LEF1: variants seen among roughly 807,000 people sequenced by gnomAD.
LEF1 encodes the protein lymphoid enhancer binding factor 1.
LEF1 carries 14 observed loss-of-function variants against 51.2 expected under a neutral mutation model. That is an observed-to-expected ratio of 0.27 (90% CI 0.18 to 0.43). The LOEUF is 0.43. LEF1 is among the 20% of genes least tolerant of loss of function. The pLI, the probability that LEF1 is intolerant of heterozygous loss-of-function variation, is 1.00. For synonymous variants in LEF1, 185 were observed against 183.2 expected (o/e 1.01, Z -0.08); for missense variants, 386 against 512.0 (o/e 0.75, Z 2.37).
intron 3 of LEF1, among the ~76,000 whole-genome samples, chr4:108,111,566 A>G (rs1438567896): frequency 6.6e-6 from 1 of 152,170 alleles, no homozygotes; most frequent in Non-Finnish European, 1.5e-5. Context: ...TACCTTATTT[A>G]ATCAGAGGAG....
chr4:108,124,332 C>T (rs1170903912), intron 3 of LEF1, among the ~76,000 whole-genome samples: 1 of 151,834 alleles, frequency 6.6e-6, no homozygotes, highest in Non-Finnish European at 1.5e-5. Flanking sequence ...ACACCCCCAG[C>T]AAAGTGTGGG....
intron 11 of LEF1, among the ~76,000 whole-genome samples, chr4:108,053,993 A>G (rs1737167914): frequency 6.6e-6 from 1 of 152,220 alleles, no homozygotes; most frequent in African/African-American, 2.4e-5. Context: ...ATCAGGGCAC[A>G]CTTTGGTCTT....
At chr4:108,154,346 CG>C in intron 3 of LEF1, among the ~76,000 whole-genome samples, 1 of 147,310 alleles carries the variant, frequency 6.8e-6, no homozygotes, top group East Asian at 2.0e-4. Flanking sequence ...TCTTTAACAC[CG>C]GGAGTATAAC....
intron 9 of LEF1, among the ~76,000 whole-genome samples, chr4:108,065,310 C>A (rs965686075): frequency 9.9e-5 from 15 of 152,214 alleles, no homozygotes; most frequent in African/African-American, 3.6e-4. Context: ...CATGGTGAAA[C>A]CCTGTCTCTA....
intron 3 of LEF1, among the ~76,000 whole-genome samples, chr4:108,128,657 T>C (rs1742689278): frequency 6.6e-6 from 1 of 152,004 alleles, no homozygotes; most frequent in Non-Finnish European, 1.5e-5. Context: ...AGCAAACAAA[T>C]ACATAAAGAT....
chr4:108,096,327 G>A (rs1560786550), intron 3 of LEF1, among the ~76,000 whole-genome samples: 1 of 152,210 alleles, frequency 6.6e-6, no homozygotes. Context: ...AGCTGTAGTG[G>A]TGCAAGGATT....
intron 5 of LEF1, chr4:108,083,155 T>G (rs1270542305): frequency 1.7e-6 from 1 of 578,250 alleles, no homozygotes; most frequent in Non-Finnish European, 3.1e-6. Context: ...CTACCCATAT[T>G]AGCAAACGGA....
chr4:108,127,442 T>C (rs1364925454), intron 3 of LEF1, among the ~76,000 whole-genome samples: 1 of 152,206 alleles, frequency 6.6e-6, no homozygotes, highest in Non-Finnish European at 1.5e-5. Flanking sequence ...AGGGATAGGC[T>C]AAAGAGAGAA....
intron 3 of LEF1, among the ~76,000 whole-genome samples, chr4:108,096,367 A>T (rs1740393901): frequency 6.6e-6 from 1 of 152,200 alleles, no homozygotes; most frequent in African/African-American, 2.4e-5. Flanking sequence ...TTGCAGTGGA[A>T]GGACGTGGGG....
chr4:108,130,564 CA>C (rs113815125), intron 3 of LEF1, among the ~76,000 whole-genome samples: 13,439 of 98,698 alleles, frequency 0.14, 704 homozygotes, highest in African/African-American at 0.22. Context: ...ACTAAAAATA[CA>C]AAAAAAAAAA....
In LEF1 at chr4:108,167,651, G is replaced by C. The variant is rs745326841; in HGVS notation, c.117C>G (p.Ala39=). The C allele has an allele frequency of 8.1e-6, 13 of 1,614,084 alleles. No homozygotes were observed. Among genetic ancestry groups the C allele is most frequent in the Non-Finnish European group, 1.0e-5 (12 of 1,180,042 alleles). The change falls in exon 1 of 12, where the codon GCC becomes GCG. Residue 39 remains alanine (A), a synonymous_variant. Transcript: ENST00000265165. The surrounding 1 kb of genome is among the most constrained non-coding windows in gnomAD (Gnocchi z 5.7). Reference sequence around the variant, plus strand: ...CTTCCTCTTCGGGATGACTGATCTCGGCGAAGATCTTTTCCTTCTGAGGAT... The same window carrying C: ...CTTCCTCTTCGGGATGACTGATCTCCGCGAAGATCTTTTCCTTCTGAGGAT... The part of the protein sequence containing the change: ...EGDPQKEKIF[A]EISHPEEEGD...
chr4:108,074,003 T>C (rs1458204184), intron 8 of LEF1, among the ~76,000 whole-genome samples: 3 of 152,142 alleles, frequency 2.0e-5, no homozygotes, highest in Non-Finnish European at 4.4e-5. Context: ...TTTTTTGTAT[T>C]TTTAGTAGAT....
chr4:108,051,089 G>A (rs898634456), intron 11 of LEF1, among the ~76,000 whole-genome samples: 2 of 152,176 alleles, frequency 1.3e-5, no homozygotes, highest in East Asian at 3.9e-4. Flanking sequence ...TGCCAAGAAA[G>A]AGTCTATATC....
chr4:108,167,635 C>G lies in LEF1; in HGVS notation c.133G>C (p.Glu45Gln), dbSNP rs267607214. The G allele has an allele frequency of 1.4e-5, 23 of 1,614,108 alleles. No homozygotes were observed. The highest frequency in any genetic ancestry group is 8.5e-7 in the Non-Finnish European group (1 of 1,180,042). ...ATGTCAGCTAAATCGCCTTCCTCTT[C>G]GGGATGACTGATCTCGGCGAAGATC... ...EKIFAEISHP[E>Q]EEGDLADIKS... The change falls in exon 1 of 12, where the codon GAA (glutamate) becomes CAA (glutamine). Residue 45 changes from glutamate to glutamine, a missense_variant. Physicochemically the swap from Glu to Gln is conservative, Grantham distance 29. Coordinates refer to ENST00000265165, the MANE Select transcript of LEF1 (RefSeq NM_016269.5). The surrounding 1 kb of genome is among the most constrained non-coding windows in gnomAD (Gnocchi z 5.7).
chr4:108,105,958 T>C (rs1160411992), intron 3 of LEF1, among the ~76,000 whole-genome samples: 1 of 152,154 alleles, frequency 6.6e-6, no homozygotes, highest in Non-Finnish European at 1.5e-5. Flanking sequence ...AGTCAGTCAA[T>C]GACGAAAGTG....
intron 3 of LEF1, among the ~76,000 whole-genome samples, chr4:108,129,938 G>A (rs1268305112): frequency 6.6e-6 from 1 of 152,104 alleles, no homozygotes; most frequent in Non-Finnish European, 1.5e-5. Flanking sequence ...AACAAATGGT[G>A]TCTATTTAGG....
Position 108,089,185 on chromosome 4 carries a change from C to T in LEF1, c.487G>A (p.Glu163Lys), listed in dbSNP as rs1739846349. Residue 163 changes from glutamate to lysine, a missense_variant, in exon 4 of 12, where the codon GAG becomes AAG. Physicochemically the swap from Glu to Lys is moderately conservative, Grantham distance 56 (BLOSUM62 1). Transcript: ENST00000265165. ...PLTPLITYSD[E>K]HFSPGSHPSH... is the part of the protein sequence containing the mutation. ...GGGTGTGATCCTGGAGAAAAGTGCT[C>T]GTCACTGTAAGTGATGAGGGGGGTG... 2.5e-6 allele frequency: 4 copies of T among 1,613,876 alleles called. No homozygotes were observed. The highest frequency in any genetic ancestry group is 1.3e-5 in the African/African-American group (1 of 74,872).
In LEF1 at chr4:108,168,833, C is replaced by A. The variant is rs1308540761; in HGVS notation, c.-1066G>T. 1 of 152,216 alleles carries A rather than the reference C, an allele frequency of 6.6e-6. No individual in the cohort carries two copies. The highest frequency in any genetic ancestry group is 1.5e-5 in the Non-Finnish European group (1 of 68,046). The allele number at this position is 152,216 out of a possible 1,614,324, so 9.4% of individuals were successfully genotyped here. A position where few individuals can be genotyped will look rare whatever the true frequency, so the allele number is the denominator to read the frequency against. The stretch of plus-strand genomic sequence containing the variant: ...CCCGAGCTTGGCCGCGTGCGAGGCT[C>A]CGGGCGCGTCCTGGTTCCTCGGCCC... On this transcript the variant is annotated 5_prime_UTR_variant, in exon 1 of 12. Coordinates refer to ENST00000265165, the MANE Select transcript of LEF1 (RefSeq NM_016269.5). The surrounding 1 kb of genome is among the most constrained non-coding windows in gnomAD (Gnocchi z 4.6).
intron 3 of LEF1, among the ~76,000 whole-genome samples, chr4:108,118,985 T>C (rs1231763302): frequency 6.6e-6 from 1 of 151,854 alleles, no homozygotes; most frequent in Admixed American, 6.6e-5. Flanking sequence ...TCATGCATCC[T>C]TGTGAGGGAA....
Sources: allele counts gnomAD v4.1 joint callset (sites outside exome capture counted in the v4.1 genomes callset), GRCh38; gene constraint gnomAD v4.1.1; non-coding constraint Gnocchi (gnomAD v3.1); transcripts MANE v1.5; gene names NCBI Gene and HGNC (gene_info 2026-07-23, HGNC 2026-07-21).